ARHGAP24: variants seen among roughly 807,000 people sequenced by gnomAD.
ARHGAP24 encodes rho GTPase-activating protein 24.
Under a neutral mutation model 76.4 loss-of-function variants are expected in ARHGAP24, and 50 were observed. The observed-to-expected ratio is 0.65, with a 90% CI of 0.52 to 0.83. The LOEUF (loss-of-function observed/expected upper bound fraction) is 0.83. Ranked by LOEUF, ARHGAP24 falls within the 40% of genes least tolerant of loss-of-function variation. The pLI is 0.00. For missense variants in ARHGAP24, 930 were observed against 914.2 expected, an observed-to-expected ratio of 1.02 and a Z score of -0.22; for synonymous variants, 345 against 323.3, an observed-to-expected ratio of 1.07 and a Z score of -0.72.
At chr4:85,789,469 C>T (rs1395152643) in intron 3 of ARHGAP24, among the ~76,000 whole-genome samples, 1 of 151,826 alleles carries the variant, frequency 6.6e-6, no homozygotes, top group African/African-American at 2.4e-5. Context: ...GATTCAGGCT[C>T]ATCGAGCACT....
At chr4:85,640,535 A>G (rs1441725665) in intron 2 of ARHGAP24, among the ~76,000 whole-genome samples, 1 of 152,206 alleles carries the variant, frequency 6.6e-6, no homozygotes, top group Non-Finnish European at 1.5e-5. Flanking sequence ...AGATTTTAAT[A>G]TTGACTATAA....
In ARHGAP24 at chr4:86,000,706, C is replaced by A; in HGVS notation, c.2231C>A (p.Thr744Lys). Residue 744 changes from threonine to lysine, a missense_variant, in exon 10 of 10, where the codon ACA (threonine) becomes AAA (lysine). Physicochemically the swap from Thr to Lys is moderately conservative, Grantham distance 78 (BLOSUM62 -1). Coordinates refer to ENST00000395184, the MANE Select transcript of ARHGAP24 (RefSeq NM_001025616.3). ...CCCAGGAGAACCGAGAGAGGAAACA[C>A]AATATGGATTCAGTGAGCCTGCTTT... is the stretch of plus-strand genomic sequence containing the variant. ...VEPRRTERGN[T>K]IWIQ The A allele has an allele frequency of 6.2e-7, 1 of 1,613,900 alleles. No individual in the cohort carries two copies. Among genetic ancestry groups the A allele is most frequent in the South Asian group, 1.1e-5 (1 of 91,070 alleles).
At chr4:85,530,059 A>G (rs1486420117) in intron 1 of ARHGAP24, among the ~76,000 whole-genome samples, 4 of 152,016 alleles carry the variant, frequency 2.6e-5, no homozygotes, top group Admixed American at 2.0e-4. Flanking sequence ...ACATATATCT[A>G]TGGTGAAAGT....
At chr4:85,938,935 C>T (rs1243374935) in intron 4 of ARHGAP24, among the ~76,000 whole-genome samples, 1 of 151,954 alleles carries the variant, frequency 6.6e-6, no homozygotes, top group African/African-American at 2.4e-5. Context: ...TAATAAATGG[C>T]AGGTGTCTTC....
At chr4:85,771,692 T>G (rs1727135019) in intron 3 of ARHGAP24, among the ~76,000 whole-genome samples, 1 of 152,190 alleles carries the variant, frequency 6.6e-6, no homozygotes. Context: ...ATACCTCTTT[T>G]TTTGTTTGTT....
intron 3 of ARHGAP24, among the ~76,000 whole-genome samples, chr4:85,773,553 A>G (rs1047811014): frequency 6.6e-6 from 1 of 152,072 alleles, no homozygotes; most frequent in African/African-American, 2.4e-5. Context: ...TTCCTTGGTT[A>G]CTTCCTGTCT....
intron 2 of ARHGAP24, among the ~76,000 whole-genome samples, chr4:85,579,430 C>G (rs1157051201): frequency 1.3e-5 from 2 of 150,602 alleles, no homozygotes; most frequent in East Asian, 3.9e-4. Flanking sequence ...GTTTTAAAAG[C>G]CTATTTTTTT....
intron 2 of ARHGAP24, among the ~76,000 whole-genome samples, chr4:85,685,217 A>C (rs1723371948): frequency 6.6e-6 from 1 of 152,184 alleles, no homozygotes; most frequent in African/African-American, 2.4e-5. Flanking sequence ...CCAGTTCATT[A>C]GGTATATTTT....
At chr4:85,879,279 A>G (rs1266316579) in intron 3 of ARHGAP24, among the ~76,000 whole-genome samples, 3 of 152,156 alleles carry the variant, frequency 2.0e-5, no homozygotes, top group African/African-American at 7.2e-5. Flanking sequence ...GATTTTTTCC[A>G]TTAAATACAA....
intron 1 of ARHGAP24, among the ~76,000 whole-genome samples, chr4:85,510,361 C>T (rs1205269706): frequency 5.9e-5 from 9 of 152,092 alleles, no homozygotes; most frequent in East Asian, 1.9e-4. Context: ...GACCAAATTT[C>T]GCACCTTCAC....
chr4:85,972,155 A>G lies in ARHGAP24; in HGVS notation c.719A>G (p.Lys240Arg). Residue 240 changes from lysine to arginine, a missense_variant, in exon 6 of 10, where the codon AAG (lysine) becomes AGG (arginine). By Grantham distance (26) the Lys-to-Arg change is conservative. Transcript: ENST00000395184. ...DFLSCAKLLS[K>R]EEEAGVKELA... ...TTGTCATGTGCCAAACTGCTCAGCA[A>G]GGAAGAGGAAGCAGTAAGTTGATGC... is the stretch of plus-strand genomic sequence containing the variant. 2.5e-6 allele frequency: 4 copies of G among 1,613,666 alleles called. No individual in the cohort carries two copies. Among genetic ancestry groups the G allele is most frequent in the Non-Finnish European group, 3.4e-6 (4 of 1,179,970 alleles).
chr4:85,923,795 A>G lies in ARHGAP24; in HGVS notation c.391+25A>G, dbSNP rs346518. On this transcript the variant is annotated intron_variant, in intron 4 of 9. Coordinates refer to ENST00000395184, the MANE Select transcript of ARHGAP24 (RefSeq NM_001025616.3). ...GGTGAGTGTACTTTAAAATCATGGA[A>G]AAACAGAAAGGTAGACCAAACCTGT... is the stretch of plus-strand genomic sequence containing the variant. 192,806 of 1,613,462 alleles carry G rather than the reference A, an allele frequency of 0.12. 12,756 individuals carry two copies. Among genetic ancestry groups the G allele is most frequent in the Middle Eastern group, 0.17 (1,017 of 6,054 alleles).
rs142932824 is a variant in ARHGAP24, at chr4:85,519,529, G to C, written c.-21+43970G>C. On this transcript the variant is annotated intron_variant, in intron 1 of 9. Coordinates refer to ENST00000395184, the MANE Select transcript of ARHGAP24 (RefSeq NM_001025616.3). The stretch of plus-strand genomic sequence containing the variant: ...AACTATCATTAATGAGAGCTTGGAA[G>C]TGGGTGAGATCATTTATAATTTTAT... Among the ~76,000 whole-genome samples the C allele has an allele frequency of 2.6e-5, 4 of 152,268 alleles. No homozygotes were observed. In the East Asian group the frequency reaches 7.7e-4, roughly 29 times the overall value.
At chr4:85,997,274 G>C (rs1740716383) in intron 9 of ARHGAP24, among the ~76,000 whole-genome samples, 1 of 151,894 alleles carries the variant, frequency 6.6e-6, no homozygotes, top group African/African-American at 2.4e-5. Context: ...AGATAGGTAG[G>C]TAGGTAAATA....
chr4:85,518,411 G>C (rs1724599883), intron 1 of ARHGAP24, among the ~76,000 whole-genome samples: 1 of 151,940 alleles, frequency 6.6e-6, no homozygotes, highest in East Asian at 1.9e-4. Context: ...GGTAGCATTT[G>C]GTTACATGAG....
At chr4:85,947,307 C>G (rs188119191) in intron 5 of ARHGAP24, among the ~76,000 whole-genome samples, 1 of 152,174 alleles carries the variant, frequency 6.6e-6, no homozygotes, top group East Asian at 1.9e-4. Flanking sequence ...TTGATAGTTT[C>G]TTTTGCTGTG....
At chr4:85,873,023 T>C (rs1578326833) in intron 3 of ARHGAP24, among the ~76,000 whole-genome samples, 1 of 152,164 alleles carries the variant, frequency 6.6e-6, no homozygotes, top group African/African-American at 2.4e-5. Context: ...CACTCTAGAC[T>C]TCGAAGAAAC....
At chr4:85,614,562 G>A (rs1048137985) in intron 2 of ARHGAP24, among the ~76,000 whole-genome samples, 1 of 151,910 alleles carries the variant, frequency 6.6e-6, no homozygotes, top group Non-Finnish European at 1.5e-5. Context: ...AATATTTGTT[G>A]TTAGAATTTA....
At chr4:85,628,781 A>C (rs970343498) in intron 2 of ARHGAP24, among the ~76,000 whole-genome samples, 4 of 152,188 alleles carry the variant, frequency 2.6e-5, no homozygotes, top group Non-Finnish European at 4.4e-5. Context: ...CTTGCATTCT[A>C]TCTTATCTAA....
Sources: gnomAD v4.1 joint callset for allele counts (sites outside exome capture counted in the v4.1 genomes callset) on GRCh38, gnomAD v4.1.1 for gene constraint, MANE v1.5 for transcripts, NCBI Gene and HGNC (gene_info 2026-07-23, HGNC 2026-07-21) for gene names.